Variants in RBFOX1 observed in about 807,000 individuals in gnomAD.
RBFOX1 encodes the protein RNA binding fox-1 homolog 1, also known as RNA binding protein fox-1 homolog 1.
A neutral mutation model predicts 57.7 loss-of-function variants in RBFOX1; 8 were observed. That is an observed-to-expected ratio of 0.14 (90% confidence interval 0.08 to 0.25). The LOEUF is 0.25. Ranked by LOEUF, RBFOX1 falls within the 10% of genes least tolerant of loss-of-function variation. The pLI, the probability that RBFOX1 is intolerant of heterozygous loss-of-function variation, is 1.00. For synonymous variants in RBFOX1, 326 were observed against 222.4 expected, an observed-to-expected ratio of 1.47 and a Z score of -4.15; for missense variants, 611 against 548.5, an observed-to-expected ratio of 1.11 and a Z score of -1.14.
At chr16:5,848,674 C>T (rs1488416681) in intron 3 of RBFOX1, among the ~76,000 whole-genome samples, 2 of 152,108 alleles carry the variant, frequency 1.3e-5, no homozygotes, top group Non-Finnish European at 2.9e-5. Context: ...ATTAAATAAG[C>T]AGGGTGTCAT....
intron 2 of RBFOX1, among the ~76,000 whole-genome samples, chr16:6,524,798 C>T (rs2192640): frequency 6.6e-6 from 1 of 152,074 alleles, no homozygotes; most frequent in African/African-American, 2.4e-5. Context: ...ATTGTCATTG[C>T]CCCACCTTCT....
chr16:7,307,855 C>A (rs1774156271), intron 4 of RBFOX1, among the ~76,000 whole-genome samples: 1 of 152,152 alleles, frequency 6.6e-6, no homozygotes, highest in Non-Finnish European at 1.5e-5. Context: ...TCTTGCTGTC[C>A]AGGGAAAGTC....
At chr16:6,677,701 C>G (rs920326050) in intron 3 of RBFOX1, among the ~76,000 whole-genome samples, 2 of 152,124 alleles carry the variant, frequency 1.3e-5, no homozygotes, top group Admixed American at 6.5e-5. Flanking sequence ...GACATGTGAG[C>G]CATGAAATCC....
At chr16:5,310,065 T>C (rs530369343) in intron 1 of RBFOX1, among the ~76,000 whole-genome samples, 44 of 152,348 alleles carry the variant, frequency 2.9e-4, no homozygotes, top group African/African-American at 1.0e-3. Context: ...TCAGCTCTAA[T>C]GTTACCTCCT....
At chr16:5,559,372 G>T (rs1434624501) in intron 2 of RBFOX1, among the ~76,000 whole-genome samples, 1 of 152,112 alleles carries the variant, frequency 6.6e-6, no homozygotes, top group Admixed American at 6.5e-5. Context: ...TTGTAATCTG[G>T]TGTGGCTGTG....
At chr16:6,693,905 A>G (rs2060638697) in intron 3 of RBFOX1, among the ~76,000 whole-genome samples, 1 of 152,382 alleles carries the variant, frequency 6.6e-6, no homozygotes, top group Admixed American at 6.5e-5. Flanking sequence ...CCTTTATGAG[A>G]ATCATCTAAT....
In RBFOX1 at chr16:6,733,894, C is replaced by T. The variant is rs561464391; in HGVS notation, c.-16+79244C>T. ...CAGGGCCAGTGTTGGTTCTGATTGT[C>T]AGCGCTATGCTGTACAGGGTTTCAG... On this transcript the variant is annotated intron_variant, in intron 3 of 15. Coordinates refer to ENST00000550418, the MANE Select transcript of RBFOX1 (RefSeq NM_018723.4). Among the ~76,000 whole-genome samples, 36 of 152,318 alleles carry T rather than the reference C, an allele frequency of 2.4e-4. 1 individual carries two copies. In the South Asian group the frequency reaches 7.3e-3, roughly 31 times the overall value.
chr16:6,112,802 A>G (rs2096460794), intron 1 of RBFOX1, among the ~76,000 whole-genome samples: 1 of 152,188 alleles, frequency 6.6e-6, no homozygotes, highest in Admixed American at 6.5e-5. Flanking sequence ...CTTAGCGGGC[A>G]TTTGGAGGAT....
At chr16:7,516,310 A>C (rs2076344196) in intron 4 of RBFOX1, among the ~76,000 whole-genome samples, 1 of 152,138 alleles carries the variant, frequency 6.6e-6, no homozygotes, top group Non-Finnish European at 1.5e-5. Flanking sequence ...ATAGATGTGC[A>C]TGAACGCAAA....
intron 1 of RBFOX1, among the ~76,000 whole-genome samples, chr16:6,169,390 G>A (rs1460740243): frequency 1.3e-5 from 2 of 152,088 alleles, no homozygotes; most frequent in South Asian, 2.1e-4. Context: ...ACATGGAAGA[G>A]TTCAGAGAGG....
rs150458939 is a variant in RBFOX1 at position 6,928,785 on chromosome 16, G to T, written c.-15-123272G>T. Among the ~76,000 whole-genome samples, 3 of 152,058 alleles carry T rather than the reference G, an allele frequency of 2.0e-5. No homozygotes were observed. The East Asian group carries it at 5.8e-4, about 29-fold the overall frequency. On this transcript the variant is annotated intron_variant, in intron 3 of 15. Coordinates refer to ENST00000550418, the MANE Select transcript of RBFOX1 (RefSeq NM_018723.4). ...ATTTCACATTGTTTGATTTCTTTCC[G>T]CTATGAAAAGACATATGCACACAGA...
chr16:7,130,064 G>T (rs1487767992), intron 4 of RBFOX1, among the ~76,000 whole-genome samples: 1 of 146,418 alleles, frequency 6.8e-6, no homozygotes, highest in Non-Finnish European at 1.5e-5. Flanking sequence ...ACAGAGCCTA[G>T]CTCTGTCGCC....
intron 3 of RBFOX1, among the ~76,000 whole-genome samples, chr16:6,906,166 G>T (rs537138794): frequency 1.3e-5 from 2 of 151,964 alleles, no homozygotes; most frequent in African/African-American, 4.8e-5. Context: ...ATTCAATAGC[G>T]CATTAGAGAA....
chr16:7,559,098 G>A (rs59117682), intron 5 of RBFOX1, among the ~76,000 whole-genome samples: 6,538 of 152,264 alleles, frequency 0.043, 175 homozygotes, highest in African/African-American at 0.07. Flanking sequence ...AAGGTTCAGA[G>A]GCCTTTCCTG....
intron 1 of RBFOX1, chr16:5,467,163 C>G (rs2068976904): frequency 7.2e-7 from 1 of 1,386,928 alleles, no homozygotes; most frequent in East Asian, 2.5e-5. Flanking sequence ...TCAATGTAGA[C>G]TCAATGTTTC....
At chr16:5,454,862 CTTTCTTTCTT>C (rs1393866746) in intron 1 of RBFOX1, among the ~76,000 whole-genome samples, 1 of 21,306 alleles carries the variant, frequency 4.7e-5, no homozygotes, top group Admixed American at 4.5e-4. Context: ...TCTTTTCTTT[CTTTCTTTCTT>C]TCTTTCTTTC....
intron 4 of RBFOX1, among the ~76,000 whole-genome samples, chr16:7,416,846 G>T (rs535273671): frequency 6.6e-6 from 1 of 152,022 alleles, no homozygotes; most frequent in African/African-American, 2.4e-5. Flanking sequence ...GTCTATGCAC[G>T]TAACACATAT....
rs866128016 is a variant in RBFOX1 at position 7,710,627 on chromosome 16, C to T, written c.1076C>T (p.Ala359Val). Residue 359 changes from alanine to valine, a missense_variant, in exon 16 of 16, where the codon GCT (alanine) becomes GTT (valine). Physicochemically the swap from Ala to Val is moderately conservative, Grantham distance 64. This residue lies in a region of RBFOX1 where 267 missense variants were observed against 229.1 expected (regional missense o/e 1.17). Coordinates refer to ENST00000550418, the MANE Select transcript of RBFOX1 (RefSeq NM_018723.4). Reference protein sequence around the residue: ...APTYGVGAMNAFAPLTDAKTR... With the variant: ...APTYGVGAMNVFAPLTDAKTR... ...CCTCAAATTGCTTTGTTTCAGAATG[C>T]TTTTGCACCTTTGACTGATGCCAAG... 2 of 1,610,948 alleles carry T rather than the reference C, an allele frequency of 1.2e-6. No individual in the cohort carries two copies. The highest frequency in any genetic ancestry group is 1.7e-6 in the Non-Finnish European group (2 of 1,179,230).
intron 2 of RBFOX1, among the ~76,000 whole-genome samples, chr16:5,501,360 A>G (rs775999799): frequency 1.3e-5 from 2 of 151,028 alleles, no homozygotes; most frequent in Non-Finnish European, 2.9e-5. Flanking sequence ...AAAATTATCA[A>G]TTATCTATTC....
Sources: allele counts gnomAD v4.1 joint callset (sites outside exome capture counted in the v4.1 genomes callset), GRCh38; gene constraint gnomAD v4.1.1; regional missense constraint gnomAD v4.1.1; transcripts MANE v1.5; gene names NCBI Gene and HGNC (gene_info 2026-07-23, HGNC 2026-07-21).